PDGFRL: variants seen among roughly 807,000 people sequenced by gnomAD.
The protein encoded by PDGFRL is platelet-derived growth factor receptor-like protein.
Under a neutral mutation model 37.2 loss-of-function variants are expected in PDGFRL, and 46 were observed. That is an observed-to-expected ratio of 1.24 (90% CI 0.98 to 1.58). The LOEUF (loss-of-function observed/expected upper bound fraction) is 1.58. Ranked by LOEUF, PDGFRL falls within the 40% of genes most tolerant of loss-of-function variation. The pLI, the probability that PDGFRL is intolerant of heterozygous loss-of-function variation, is 0.00. For synonymous variants in PDGFRL, 251 were observed against 184.3 expected, an observed-to-expected ratio of 1.36 and a Z score of -2.93; for missense variants, 692 against 467.6, an observed-to-expected ratio of 1.48 and a Z score of -4.43.
At chr8:17,634,719 C>T (rs1040085316) in intron 5 of PDGFRL, among the ~76,000 whole-genome samples, 1 of 152,022 alleles carries the variant, frequency 6.6e-6, no homozygotes, top group African/African-American at 2.4e-5. Flanking sequence ...AACACAGAAA[C>T]AGAAAACCAA....
At chr8:17,599,547 TC>T (rs773668508) in intron 2 of PDGFRL, among the ~76,000 whole-genome samples, 21 of 152,306 alleles carry the variant, frequency 1.4e-4, no homozygotes, top group Non-Finnish European at 2.8e-4. Flanking sequence ...ATGACCCTGT[TC>T]ATCTACTTTC....
chr8:17,621,108 C>T lies in PDGFRL; in HGVS notation c.411C>T (p.Asp137=). The T allele has an allele frequency of 6.2e-7, 1 of 1,612,188 alleles. No homozygotes were observed. The highest frequency in any genetic ancestry group is 1.1e-5 in the South Asian group (1 of 90,898). The change falls in exon 3 of 6, where the codon GAC becomes GAT. Residue 137 remains aspartate (D), a synonymous_variant. Coordinates refer to ENST00000251630, the MANE Select transcript of PDGFRL (RefSeq NM_001372073.1). ...QLTLVNSTSA[D]TGEFSCWVQL... ...CTCTGGTCAACTCCACCTCGGCAGA[C>T]ACAGGTGAATTCAGCTGCTGGGTGC...
intron 1 of PDGFRL, among the ~76,000 whole-genome samples, chr8:17,584,833 T>A (rs1213858517): frequency 6.6e-6 from 1 of 151,524 alleles, no homozygotes; most frequent in Non-Finnish European, 1.5e-5. Flanking sequence ...TCGGAGTGAG[T>A]CCATAGAAGT....
intron 5 of PDGFRL, among the ~76,000 whole-genome samples, chr8:17,639,479 G>A (rs574067299): frequency 2.6e-5 from 4 of 152,166 alleles, no homozygotes; most frequent in East Asian, 1.9e-4. Context: ...TTGTAGTGGC[G>A]AATTTTCTCA....
chr8:17,594,423 T>C (rs1804008309), intron 2 of PDGFRL, among the ~76,000 whole-genome samples: 1 of 151,946 alleles, frequency 6.6e-6, no homozygotes, highest in African/African-American at 2.4e-5. Flanking sequence ...GTATCTTCTA[T>C]AGAGACAGGG....
chr8:17,607,367 C>G (rs1293066788), intron 2 of PDGFRL, among the ~76,000 whole-genome samples: 1 of 152,100 alleles, frequency 6.6e-6, no homozygotes, highest in Non-Finnish European at 1.5e-5. Context: ...CTAACTCTTA[C>G]TTAAAAATAA....
upstream of PDGFRL, chr8:17,576,773 G>T (rs188043737): frequency 5.6e-4 from 407 of 732,732 alleles, 1 homozygote; most frequent in South Asian, 1.6e-3. Context: ...GAGTGCATGT[G>T]GGGGAGAGAA....
chr8:17,617,144 G>T (rs1340334679), intron 2 of PDGFRL, among the ~76,000 whole-genome samples: 1 of 152,160 alleles, frequency 6.6e-6, no homozygotes, highest in Non-Finnish European at 1.5e-5. Flanking sequence ...CATACACGGG[G>T]TCTTAAAATT....
chr8:17,640,782 A>T (rs953747428), intron 5 of PDGFRL, among the ~76,000 whole-genome samples: 1 of 152,138 alleles, frequency 6.6e-6, no homozygotes, highest in Non-Finnish European at 1.5e-5. Context: ...TAAAGACAGC[A>T]TTAGCTGCAG....
chr8:17,607,657 A>C (rs1394111817), intron 2 of PDGFRL, among the ~76,000 whole-genome samples: 1 of 152,192 alleles, frequency 6.6e-6, no homozygotes, highest in Non-Finnish European at 1.5e-5. Context: ...GTATTTTATG[A>C]GTGAAATGTT....
Position 17,642,988 on chromosome 8 carries a change from TAACTTTTC to T in PDGFRL, c.*188_*195del. On this transcript the variant is annotated 3_prime_UTR_variant, in exon 6 of 6. Transcript: ENST00000251630. ...TCATCCAGTCTATTCACAGAAGTGT[TAACTTTTC>T]TAACAGAAAGCATGATTTTGATTGC... The T allele has an allele frequency of 1.9e-6, 1 of 513,666 alleles. No homozygotes were observed. Among genetic ancestry groups the T allele is most frequent in the Non-Finnish European group, 3.4e-6 (1 of 294,762 alleles). 31.8% of individuals were successfully genotyped at this position (513,666 alleles called of 1,614,324 possible). A position where few individuals can be genotyped will look rare whatever the true frequency, so the allele number is the denominator to read the frequency against.
intron 3 of PDGFRL, among the ~76,000 whole-genome samples, chr8:17,625,245 C>T (rs6586612): frequency 0.99 from 149,845 of 151,808 alleles, 73,989 homozygotes; most frequent in East Asian, 1. Flanking sequence ...TCCGACTCCC[C>T]GGTTCGAGCG....
At chr8:17,596,250 C>G (rs1269513578) in intron 2 of PDGFRL, 3 of 780,440 alleles carry the variant, frequency 3.8e-6, no homozygotes, top group Admixed American at 4.4e-5. Context: ...GTGTCCATGT[C>G]CTCTCTGGAC....
In PDGFRL at chr8:17,642,791, A is replaced by G. The variant is rs375732912; in HGVS notation, c.1118A>G (p.Glu373Gly). 4.1e-5 allele frequency: 66 copies of G among 1,598,840 alleles called. No homozygotes were observed. In the East Asian group the frequency reaches 9.8e-4, roughly 24 times the overall value. ...CAGACCACAGTAGCTACCACTGTTG[A>G]GTTTTCCTGACTTGGAAAAGGAAAT... ...QGQTTVATTVEFS is the reference protein window; with the variant it reads ...QGQTTVATTVGFS Residue 373 changes from glutamate (E) to glycine (G), a missense_variant, in exon 6 of 6, where the codon GAG (glutamate) becomes GGG (glycine). Transcript: ENST00000251630.
At chr8:17,629,789 C>T (rs1022516229) in intron 4 of PDGFRL, among the ~76,000 whole-genome samples, 3 of 152,116 alleles carry the variant, frequency 2.0e-5, no homozygotes, top group Non-Finnish European at 2.9e-5. Context: ...CAGCAACCAC[C>T]GGGGCTGACC....
rs778938555 is a variant in PDGFRL at position 17,642,942 on chromosome 8, G to C, written c.*141G>C. On this transcript the variant is annotated 3_prime_UTR_variant, in exon 6 of 6. Coordinates refer to ENST00000251630, the MANE Select transcript of PDGFRL (RefSeq NM_001372073.1). ...CCCAGCGTCTCGTGAGTCCGACCCA[G>C]ACATCCAAACTAAAAGGAAGTCATC... 46 of 595,210 alleles carry C rather than the reference G, an allele frequency of 7.7e-5. No homozygotes were observed. Among genetic ancestry groups the C allele is most frequent in the Admixed American group, 1.7e-4 (5 of 29,636 alleles). 36.9% of individuals were successfully genotyped at this position (595,210 alleles called of 1,614,324 possible). A position where few individuals can be genotyped will look rare whatever the true frequency, so the allele number is the denominator to read the frequency against.
intron 3 of PDGFRL, among the ~76,000 whole-genome samples, chr8:17,625,141 C>T (rs199905272): frequency 7.3e-5 from 1 of 13,752 alleles, no homozygotes. Flanking sequence ...CCCTCCCCCC[C>T]CCGCATTTTT....
At chr8:17,616,957 G>T (rs1804543025) in intron 2 of PDGFRL, among the ~76,000 whole-genome samples, 1 of 152,118 alleles carries the variant, frequency 6.6e-6, no homozygotes. Flanking sequence ...AGATGCACCG[G>T]TCCCTATATC....
chr8:17,612,769 C>G (rs995465689), intron 2 of PDGFRL, among the ~76,000 whole-genome samples: 1 of 152,084 alleles, frequency 6.6e-6, no homozygotes, highest in Non-Finnish European at 1.5e-5. Flanking sequence ...CTGAAAACCC[C>G]AAGAAACGTG....
Sources: gnomAD v4.1 joint callset for allele counts (sites outside exome capture counted in the v4.1 genomes callset) on GRCh38, gnomAD v4.1.1 for gene constraint, MANE v1.5 for transcripts, NCBI Gene and HGNC (gene_info 2026-07-23, HGNC 2026-07-21) for gene names.